The following ATP6V0B variants were observed in gnomAD, a reference collection of about 807,000 sequenced individuals.
ATP6V0B encodes ATPase H+ transporting V0 subunit b.
Under a neutral mutation model 26.2 loss-of-function variants are expected in ATP6V0B, and 4 were observed. The ratio of observed to expected loss-of-function variants is 0.15; its 90% CI spans 0.08 to 0.35. The LOEUF is 0.35. Among genes scored for constraint, ATP6V0B ranks in the 10% least tolerant of loss-of-function variants. ATP6V0B has a pLI of 1.00. For synonymous variants in ATP6V0B, 110 were observed against 105.8 expected (o/e 1.04, Z -0.24); for missense variants, 175 against 272.5 (o/e 0.64, Z 2.52).
intron 1 of ATP6V0B, 47 bp from the exon 2 acceptor site, chr1:43,975,749 TTCTC>T: frequency 6.3e-7 from 1 of 1,585,884 alleles, no homozygotes; most frequent in Non-Finnish European, 8.6e-7. Context: ...GTTGAAGAAC[TTCTC>T]TCTACCGAGC....
intron 1 of ATP6V0B, 108 bp downstream of exon 1, chr1:43,975,215 C>A: frequency 7.8e-7 from 1 of 1,280,586 alleles, no homozygotes; most frequent in South Asian, 1.5e-5. Flanking sequence ...GCGCGCTCTG[C>A]ACCCGAGGCT....
chr1:43,976,602 T>C lies in ATP6V0B; in HGVS notation c.291T>C (p.Cys97=), dbSNP rs2085523353. Residue 97 remains cysteine, a synonymous_variant, in exon 5 of 8, where the codon TGT becomes TGC. Coordinates refer to ENST00000472174, the MANE Select transcript of ATP6V0B (RefSeq NM_004047.5). This position sits in a 1 kb window ranked among gnomAD's most constrained non-coding sequence, Gnocchi z 4.6. ...KTKNLVSIIF[C]EAVAIYGIIM... ...CTACCACTACCAGCATCATCTTCTG[T>C]GAGGCTGTGGCCATCTACGGCATCA... The C allele has an allele frequency of 6.2e-7, 1 of 1,614,090 alleles. No individual in the cohort carries two copies. The highest frequency in any genetic ancestry group is 1.7e-5 in the Admixed American group (1 of 60,014).
Position 43,976,110 on chromosome 1 carries a change from C to G in ATP6V0B, c.137C>G (p.Pro46Arg). The G allele has an allele frequency of 6.2e-7, 1 of 1,614,080 alleles. No homozygotes were observed. Among genetic ancestry groups the G allele is most frequent in the Non-Finnish European group, 8.5e-7 (1 of 1,180,002 alleles). ...DVAWFLTETSPFMWSNLGIGL... is the reference protein window; with the variant it reads ...DVAWFLTETSRFMWSNLGIGL... Reference sequence around the variant, plus strand: ...AACAGGTTCCTGACGGAGACTTCGCCCTTCATGTGGTCCAACCTGGGCATT... The same window carrying G: ...AACAGGTTCCTGACGGAGACTTCGCGCTTCATGTGGTCCAACCTGGGCATT... Residue 46 changes from proline (P) to arginine (R), a missense_variant, in exon 3 of 8, where the codon CCC becomes CGC. This residue lies in a region of ATP6V0B where 75 missense variants were observed against 94.7 expected (regional missense o/e 0.79). Coordinates refer to ENST00000472174, the MANE Select transcript of ATP6V0B (RefSeq NM_004047.5). The surrounding 1 kb of genome is among the most constrained non-coding windows in gnomAD (Gnocchi z 4.6).
At chr1:43,977,461 G>C in intron 7 of ATP6V0B, 1 of 1,437,738 alleles carries the variant, frequency 7.0e-7, no homozygotes, top group Non-Finnish European at 9.1e-7. Context: ...TATCTGTATA[G>C]CACTTAGTCC....
Position 43,976,234 on chromosome 1 carries a change from G to A in ATP6V0B, c.200+61G>A. 4 of 1,608,988 alleles carry A rather than the reference G, an allele frequency of 2.5e-6. No homozygotes were observed. The highest frequency in any genetic ancestry group is 3.4e-6 in the Non-Finnish European group (4 of 1,175,404). The stretch of plus-strand genomic sequence containing the variant: ...TGAGTCATGGCAGGTGGTGTCACTG[G>A]GGTCTTAGGCATGCTGAGGGCAGTG... On this transcript the variant is annotated intron_variant, in intron 3 of 7. Coordinates refer to ENST00000472174, the MANE Select transcript of ATP6V0B (RefSeq NM_004047.5). The surrounding 1 kb of genome is among the most constrained non-coding windows in gnomAD (Gnocchi z 4.6).
At chr1:43,977,631 T>G (rs2085537061) in intron 7 of ATP6V0B, 1 of 1,420,292 alleles carries the variant, frequency 7.0e-7, no homozygotes, top group African/African-American at 1.4e-5. Flanking sequence ...CACATGCCTG[T>G]CAGTAGGACA....
In ATP6V0B at chr1:43,976,107, C is replaced by T. The variant is rs1254229327; in HGVS notation, c.134C>T (p.Ser45Leu). The change falls in exon 3 of 8, where the codon TCG (serine) becomes TTG (leucine). Residue 45 changes from serine (S) to leucine (L), a missense_variant. Around this residue, in one of 3 missense-constraint regions of ATP6V0B, gnomAD observed 75 missense variants for 94.7 expected, o/e 0.79. Coordinates refer to ENST00000472174, the MANE Select transcript of ATP6V0B (RefSeq NM_004047.5). This position sits in a 1 kb window ranked among gnomAD's most constrained non-coding sequence, Gnocchi z 4.6. ...FDVAWFLTETSPFMWSNLGIG... is the reference protein window; with the variant it reads ...FDVAWFLTETLPFMWSNLGIG... ...CACAACAGGTTCCTGACGGAGACTTCGCCCTTCATGTGGTCCAACCTGGGC... is the reference window on the plus strand; with the variant it reads ...CACAACAGGTTCCTGACGGAGACTTTGCCCTTCATGTGGTCCAACCTGGGC... 3.1e-6 allele frequency: 5 copies of T among 1,614,100 alleles called. No individual in the cohort carries two copies. The highest frequency in any genetic ancestry group is 4.2e-6 in the Non-Finnish European group (5 of 1,179,984).
rs571430232 is a variant in ATP6V0B, at chr1:43,978,190, G to GGCT, written c.*194_*196dup. On this transcript the variant is annotated 3_prime_UTR_variant, in exon 8 of 8. Transcript: ENST00000472174. ...GGCCGAGTCCTCAGTGCGGGGAGCA[G>GGCT]GCTGCTGCTGCTGACTCTGTGCAGC... 5.9e-4 allele frequency: 476 copies of GGCT among 804,016 alleles called. No homozygotes were observed. Among genetic ancestry groups the GGCT allele is most frequent in the East Asian group, 1.4e-3 (56 of 39,844 alleles). 49.8% of individuals were successfully genotyped at this position (804,016 alleles called of 1,614,324 possible).
At position 43,976,535 on chromosome 1, in the gene ATP6V0B, C is replaced by G; in HGVS notation, c.279-55C>G. 6.2e-7 allele frequency: 1 copy of G among 1,600,426 alleles called. No individual in the cohort carries two copies. The highest frequency in any genetic ancestry group is 8.6e-7 in the Non-Finnish European group (1 of 1,167,958). ...ACTTACTGGGCAGGAAGGACGGTTT[C>G]TTTCTCATTTCTTTCTCCTTTCCAC... On this transcript the variant is annotated intron_variant, in intron 4 of 7. Transcript: ENST00000472174. The surrounding 1 kb of genome is among the most constrained non-coding windows in gnomAD (Gnocchi z 4.6).
chr1:43,976,981 C>G lies in ATP6V0B; in HGVS notation c.401-45C>G, dbSNP rs1162686098. 3 of 1,601,136 alleles carry G rather than the reference C, an allele frequency of 1.9e-6. No individual in the cohort carries two copies. The South Asian group carries it at 3.3e-5, about 18-fold the overall frequency. On this transcript the variant is annotated intron_variant, in intron 6 of 7. Transcript: ENST00000472174. The surrounding 1 kb of genome is among the most constrained non-coding windows in gnomAD (Gnocchi z 4.6). ...ATTGGCCCCATTAGCCCATATCTCC[C>G]CCATTCCTGGCTTAGCCTCACTGCA...
Position 43,976,876 on chromosome 1 carries a change from C to T in ATP6V0B, c.400+52C>T, listed in dbSNP as rs1169007684. 1 of 1,608,142 alleles carries T rather than the reference C, an allele frequency of 6.2e-7. No individual in the cohort carries two copies. Among genetic ancestry groups the T allele is most frequent in the South Asian group, 1.1e-5 (1 of 90,920 alleles). On this transcript the variant is annotated intron_variant, in intron 6 of 7. Coordinates refer to ENST00000472174, the MANE Select transcript of ATP6V0B (RefSeq NM_004047.5). The surrounding 1 kb of genome is among the most constrained non-coding windows in gnomAD (Gnocchi z 4.6). ...AATGCTGGGACTTCATGCCTGCTTC[C>T]ACTCTCCCCCATCCCAGCTTGGGCC... is the stretch of plus-strand genomic sequence containing the variant.
chr1:43,975,197 G>T (rs2154302926), intron 1 of ATP6V0B, 90 bp downstream of exon 1: 3 of 1,346,906 alleles, frequency 2.2e-6, no homozygotes, highest in East Asian at 5.8e-5. Context: ...GGGGAATACT[G>T]GCCCCCCGCG....
At chr1:43,975,148 G>A (rs1187032128) in intron 1 of ATP6V0B, 41 bp downstream of exon 1, 1 of 1,407,046 alleles carries the variant, frequency 7.1e-7, no homozygotes, top group African/African-American at 1.5e-5. Flanking sequence ...CATCGCGGCC[G>A]AGCTGGCCGG....
Position 43,976,128 on chromosome 1 carries a change from T to C in ATP6V0B, c.155T>C (p.Leu52Pro). 6.2e-7 allele frequency: 1 copy of C among 1,614,138 alleles called. No individual in the cohort carries two copies. ...TETSPFMWSN[L>P]GIGLAISLSV... ...ACTTCGCCCTTCATGTGGTCCAACC[T>C]GGGCATTGGCCTAGCTATCTCCCTG... is the stretch of plus-strand genomic sequence containing the variant. Residue 52 changes from leucine to proline, a missense_variant, in exon 3 of 8, where the codon CTG (leucine) becomes CCG (proline). Transcript: ENST00000472174. The surrounding 1 kb of genome is among the most constrained non-coding windows in gnomAD (Gnocchi z 4.6).
intron 1 of ATP6V0B, 151 bp from the exon 2 acceptor site, chr1:43,975,649 G>A (rs780013306): frequency 2.4e-6 from 2 of 818,828 alleles, no homozygotes; most frequent in Non-Finnish European, 4.1e-6. Flanking sequence ...CTAAGCAGAG[G>A]AATCTGTCTA....
chr1:43,975,206 C>A, intron 1 of ATP6V0B, 99 bp downstream of exon 1: 1 of 1,314,942 alleles, frequency 7.6e-7, no homozygotes, highest in Non-Finnish European at 1.0e-6. Flanking sequence ...TGGCCCCCCG[C>A]GCGCTCTGCA....
chr1:43,977,624 A>T, intron 7 of ATP6V0B: 3 of 1,418,576 alleles, frequency 2.1e-6, no homozygotes, highest in Non-Finnish European at 1.8e-6. Context: ...TCCCTCTCAC[A>T]TGCCTGTCAG....
chr1:43,975,195 C>T, intron 1 of ATP6V0B, 88 bp downstream of exon 1: 1 of 1,359,922 alleles, frequency 7.4e-7, no homozygotes, highest in Non-Finnish European at 9.7e-7. Context: ...GCGGGGAATA[C>T]TGGCCCCCCG....
chr1:43,975,485 G>C lies in ATP6V0B; in HGVS notation c.68-315G>C, dbSNP rs1252034448. 9 of 550,546 alleles carry C rather than the reference G, an allele frequency of 1.6e-5. No homozygotes were observed. The East Asian group carries it at 2.9e-4, about 18-fold the overall frequency. 34.1% of individuals were successfully genotyped at this position (550,546 alleles called of 1,614,324 possible). ...CCCTCCCCCACCCACAGCTTGTTGG[G>C]TAAACAGCGGAACGGACTGGGCCGG... is the stretch of plus-strand genomic sequence containing the variant. On this transcript the variant is annotated intron_variant, in intron 1 of 7. Transcript: ENST00000472174.
Sources: allele counts gnomAD v4.1 joint callset, GRCh38; gene constraint gnomAD v4.1.1; regional missense constraint gnomAD v4.1.1; non-coding constraint Gnocchi (gnomAD v3.1); transcripts MANE v1.5; gene names NCBI Gene and HGNC (gene_info 2026-07-23, HGNC 2026-07-21).